Variants in CSMD1 observed in about 807,000 individuals in gnomAD.
CSMD1 encodes the protein CUB and Sushi multiple domains 1.
A neutral mutation model predicts 417.5 loss-of-function variants in CSMD1; 213 were observed. The observed-to-expected ratio is 0.51, with a 90% confidence interval of 0.46 to 0.57. CSMD1 has a LOEUF of 0.57. Ranked by LOEUF, CSMD1 falls within the 20% of genes least tolerant of loss-of-function variation. The pLI, the probability that CSMD1 is intolerant of heterozygous loss-of-function variation, is 0.00. For synonymous variants in CSMD1, 2,862 were observed against 1,736.8 expected (o/e 1.65, Z -16.11); for missense variants, 6,923 against 4,529.7 (o/e 1.53, Z -15.17).
At chr8:3,336,360 C>A (rs1427790638) in intron 23 of CSMD1, among the ~76,000 whole-genome samples, 1 of 152,194 alleles carries the variant, frequency 6.6e-6, no homozygotes, top group African/African-American at 2.4e-5. Flanking sequence ...ACATGTGTCA[C>A]CTTCTATAGC....
At chr8:3,791,546 G>A (rs566251407) in intron 5 of CSMD1, among the ~76,000 whole-genome samples, 20 of 152,274 alleles carry the variant, frequency 1.3e-4, no homozygotes, top group Non-Finnish European at 2.2e-4. Context: ...TTAACAGGCC[G>A]GGCATGGTGG....
At chr8:3,290,740 T>G (rs2117274587) in intron 25 of CSMD1, among the ~76,000 whole-genome samples, 1 of 146,688 alleles carries the variant, frequency 6.8e-6, no homozygotes, top group South Asian at 2.1e-4. Flanking sequence ...GACAATGGGG[T>G]TTTCTAGATA....
chr8:4,336,204 C>T (rs950014565), intron 3 of CSMD1, among the ~76,000 whole-genome samples: 1 of 152,144 alleles, frequency 6.6e-6, no homozygotes, highest in African/African-American at 2.4e-5. Context: ...TCAGGGAATG[C>T]AGGTAGTATG....
At chr8:4,135,902 T>C (rs1563169987) in intron 3 of CSMD1, among the ~76,000 whole-genome samples, 1 of 152,188 alleles carries the variant, frequency 6.6e-6, no homozygotes, top group Non-Finnish European at 1.5e-5. Context: ...TTTGGGATGT[T>C]TTATTTAGCA....
At chr8:4,521,959 T>G (rs1287215013) in intron 2 of CSMD1, among the ~76,000 whole-genome samples, 1 of 152,182 alleles carries the variant, frequency 6.6e-6, no homozygotes, top group Non-Finnish European at 1.5e-5. Context: ...AGTTCCCAGA[T>G]AGCCTGCCTT....
At chr8:4,215,483 C>A (rs920620587) in intron 3 of CSMD1, among the ~76,000 whole-genome samples, 9 of 129,886 alleles carry the variant, frequency 6.9e-5, no homozygotes, top group Non-Finnish European at 1.4e-4. Flanking sequence ...ATTTGGGGGC[C>A]GGGGTTTTAT....
At position 3,027,729 on chromosome 8, in the gene CSMD1, C is replaced by T. The variant is rs550846746; in HGVS notation, c.7855+1590G>A. Among the ~76,000 whole-genome samples the T allele has an allele frequency of 2.0e-5, 3 of 152,210 alleles. 1 individual carries two copies. Among genetic ancestry groups the T allele is most frequent in the South Asian group, 4.2e-4 (2 of 4,818 alleles). On this transcript the variant is annotated intron_variant, in intron 51 of 69. Coordinates refer to ENST00000635120, the MANE Select transcript of CSMD1 (RefSeq NM_033225.6). ...TGGGGGTTGTGACTGGACCCCGCTC[C>T]GTGTCAGAAACACCAGAATACAGTT... is the stretch of plus-strand genomic sequence containing the variant.
intron 12 of CSMD1, among the ~76,000 whole-genome samples, chr8:3,436,407 T>G (rs1236107383): frequency 6.6e-6 from 1 of 152,202 alleles, no homozygotes; most frequent in Non-Finnish European, 1.5e-5. Flanking sequence ...GTAAAATCTG[T>G]GAGAGCTGGT....
At chr8:3,310,524 G>C (rs184003822) in intron 23 of CSMD1, among the ~76,000 whole-genome samples, 1 of 152,136 alleles carries the variant, frequency 6.6e-6, no homozygotes, top group Non-Finnish European at 1.5e-5. Context: ...AAAATCTTGC[G>C]CTATCTTGAA....
chr8:4,430,600 C>T (rs148971465), intron 2 of CSMD1, among the ~76,000 whole-genome samples: 3 of 152,006 alleles, frequency 2.0e-5, no homozygotes, highest in Non-Finnish European at 4.4e-5. Flanking sequence ...GCATTCTAGA[C>T]AAGTTTGTCA....
intron 1 of CSMD1, among the ~76,000 whole-genome samples, chr8:4,984,375 A>C (rs150943192): frequency 2.0e-5 from 3 of 152,352 alleles, no homozygotes; most frequent in African/African-American, 4.8e-5. Context: ...GACTAGTCCC[A>C]TGACAGTAGT....
intron 3 of CSMD1, among the ~76,000 whole-genome samples, chr8:4,227,541 C>T (rs773564306): frequency 8.5e-5 from 13 of 152,164 alleles, no homozygotes; most frequent in Non-Finnish European, 1.8e-4. Context: ...AACTGAGAAG[C>T]AGGGGTGCCA....
intron 10 of CSMD1, among the ~76,000 whole-genome samples, chr8:3,505,061 T>C (rs923143391): frequency 6.6e-6 from 1 of 151,662 alleles, no homozygotes; most frequent in African/African-American, 2.4e-5. Context: ...AATAAGCTAG[T>C]GAGAATTTCA....
intron 1 of CSMD1, among the ~76,000 whole-genome samples, chr8:4,677,508 G>T (rs1318485066): frequency 3.9e-5 from 6 of 152,072 alleles, no homozygotes; most frequent in African/African-American, 1.2e-4. Flanking sequence ...CAAGCCAGAA[G>T]AAATTTTCCA....
intron 3 of CSMD1, among the ~76,000 whole-genome samples, chr8:4,126,112 C>T (rs1415980414): frequency 6.6e-6 from 1 of 151,982 alleles, no homozygotes; most frequent in Non-Finnish European, 1.5e-5. Context: ...CTCACTTTGA[C>T]CCCCTGTGAT....
intron 3 of CSMD1, among the ~76,000 whole-genome samples, chr8:4,412,343 A>C (rs1223855039): frequency 6.6e-6 from 1 of 150,866 alleles, no homozygotes; most frequent in East Asian, 1.9e-4. Flanking sequence ...AATTGAACTG[A>C]AAAGTGTGTG....
chr8:3,239,502 T>C (rs1311116587), intron 26 of CSMD1, among the ~76,000 whole-genome samples: 1 of 152,196 alleles, frequency 6.6e-6, no homozygotes. Context: ...ACTCGGGGCA[T>C]GTTGAGTAAA....
At chr8:4,101,540 A>C (rs542174064) in intron 3 of CSMD1, among the ~76,000 whole-genome samples, 1 of 152,166 alleles carries the variant, frequency 6.6e-6, no homozygotes, top group African/African-American at 2.4e-5. Context: ...CATACCTAAA[A>C]AATTATGGAT....
intron 5 of CSMD1, among the ~76,000 whole-genome samples, chr8:3,809,347 A>C (rs1281304683): frequency 6.6e-6 from 1 of 152,180 alleles, no homozygotes; most frequent in African/African-American, 2.4e-5. Flanking sequence ...ATATTTGTTT[A>C]CGCACTTGTT....
Sources: gnomAD v4.1 joint callset for allele counts (sites outside exome capture counted in the v4.1 genomes callset) on GRCh38, gnomAD v4.1.1 for gene constraint, MANE v1.5 for transcripts, NCBI Gene and HGNC (gene_info 2026-07-23, HGNC 2026-07-21) for gene names.